The following DENND2B variants were observed in gnomAD, a reference collection of about 807,000 sequenced individuals.
DENND2B encodes DENN domain-containing protein 2B.
A neutral mutation model predicts 116.0 loss-of-function variants in DENND2B; 32 were observed. That is an observed-to-expected ratio of 0.28 (90% CI 0.21 to 0.37). The LOEUF (loss-of-function observed/expected upper bound fraction) is 0.37, where lower values mean the gene tolerates loss of function less well. Ranked by LOEUF, DENND2B falls within the 10% of genes least tolerant of loss-of-function variation. The pLI, the probability that DENND2B is intolerant of heterozygous loss-of-function variation, is 1.00. For missense variants in DENND2B, 1,276 were observed against 1,477.7 expected, an observed-to-expected ratio of 0.86 and a Z score of 2.24; for synonymous variants, 588 against 583.9, an observed-to-expected ratio of 1.01 and a Z score of -0.10.
chr11:8,847,170 G>A (rs557215398), intron 3 of DENND2B, among the ~76,000 whole-genome samples: 3 of 152,340 alleles, frequency 2.0e-5, no homozygotes, highest in Admixed American at 6.5e-5. Context: ...TAGCACCAAT[G>A]AGCCAGCTCT....
intron 1 of DENND2B, among the ~76,000 whole-genome samples, chr11:8,896,874 T>A (rs2134752247): frequency 6.6e-6 from 1 of 152,358 alleles, no homozygotes; most frequent in South Asian, 2.1e-4. Flanking sequence ...AAAATGAGTT[T>A]ATCAGGATAT....
intron 3 of DENND2B, among the ~76,000 whole-genome samples, chr11:8,855,042 G>A (rs941587232): frequency 9.4e-6 from 1 of 105,836 alleles, no homozygotes; most frequent in Non-Finnish European, 2.1e-5. Context: ...TACTCAAGAG[G>A]CTGAGGTGGA....
chr11:8,763,383 T>C (rs536904614), intron 1 of DENND2B, among the ~76,000 whole-genome samples: 1 of 152,246 alleles, frequency 6.6e-6, no homozygotes, highest in South Asian at 2.1e-4. Flanking sequence ...ATTCCTTTCT[T>C]AGTTTTATAC....
intron 1 of DENND2B, among the ~76,000 whole-genome samples, chr11:8,759,186 C>G (rs2054136094): frequency 6.6e-6 from 1 of 152,194 alleles, no homozygotes; most frequent in African/African-American, 2.4e-5. Context: ...TGCCCCACCT[C>G]TAAGAATGGA....
chr11:8,863,113 C>T (rs889043525), intron 2 of DENND2B, among the ~76,000 whole-genome samples: 1 of 151,594 alleles, frequency 6.6e-6, no homozygotes, highest in African/African-American at 2.4e-5. Context: ...CCTGGGAGTT[C>T]GAGACCTGTC....
At chr11:8,716,890 A>G (rs1031357286) in intron 5 of DENND2B, among the ~76,000 whole-genome samples, 1 of 152,122 alleles carries the variant, frequency 6.6e-6, no homozygotes, top group Non-Finnish European at 1.5e-5. Flanking sequence ...TGATCTGCCC[A>G]CCTTGGCCTC....
chr11:8,777,089 T>C (rs2057821291), intron 1 of DENND2B, among the ~76,000 whole-genome samples: 1 of 152,230 alleles, frequency 6.6e-6, no homozygotes, highest in African/African-American at 2.4e-5. Context: ...ATTATAAGAA[T>C]AGGTAACCCA....
chr11:8,713,558 T>C (rs1033158452), intron 8 of DENND2B, among the ~76,000 whole-genome samples: 1 of 152,140 alleles, frequency 6.6e-6, no homozygotes, highest in African/African-American at 2.4e-5. Flanking sequence ...TTTTGTATTA[T>C]TTTAGTAGAG....
intron 1 of DENND2B, among the ~76,000 whole-genome samples, chr11:8,751,059 T>G (rs1593148603): frequency 6.6e-6 from 1 of 152,168 alleles, no homozygotes; most frequent in East Asian, 1.9e-4. Context: ...CTAGCTAATC[T>G]GCTGGGGACT....
At chr11:8,766,512 C>A in intron 1 of DENND2B, 1 of 894,290 alleles carries the variant, frequency 1.1e-6, no homozygotes, top group Non-Finnish European at 1.5e-6. Context: ...GGGCAATGTC[C>A]ACAAGCCAAA....
chr11:8,893,154 C>T (rs1291691917), intron 1 of DENND2B, among the ~76,000 whole-genome samples: 4 of 152,106 alleles, frequency 2.6e-5, no homozygotes, highest in Non-Finnish European at 5.9e-5. Context: ...AACCACATGA[C>T]TATCTCAATA....
At chr11:8,748,092 C>A (rs2051620591) in intron 2 of DENND2B, among the ~76,000 whole-genome samples, 1 of 152,288 alleles carries the variant, frequency 6.6e-6, no homozygotes. Context: ...GGTTCCTCTG[C>A]CTTCATGTGG....
chr11:8,826,663 G>A (rs1381179341), intron 4 of DENND2B, among the ~76,000 whole-genome samples: 4 of 152,150 alleles, frequency 2.6e-5, no homozygotes, highest in Non-Finnish European at 5.9e-5. Context: ...CTAAATAAAC[G>A]TCAACATCCT....
At chr11:8,721,807 G>A (rs1592712806) in intron 4 of DENND2B, among the ~76,000 whole-genome samples, 1 of 152,248 alleles carries the variant, frequency 6.6e-6, no homozygotes, top group Non-Finnish European at 1.5e-5. Context: ...CAACCAGAGA[G>A]AGTGGAGGCT....
chr11:8,904,051 C>T, intron 1 of DENND2B, among the ~76,000 whole-genome samples: 1 of 152,008 alleles, frequency 6.6e-6, no homozygotes, highest in East Asian at 1.9e-4. Context: ...ACACACTCTT[C>T]CAAGAAATAG....
chr11:8,704,778 A>G (rs1464847021), intron 13 of DENND2B, among the ~76,000 whole-genome samples: 1 of 152,014 alleles, frequency 6.6e-6, no homozygotes, highest in African/African-American at 2.4e-5. Context: ...ACTCACTACA[A>G]TCTTCACCTC....
At chr11:8,797,951 C>G (rs923828194) in intron 1 of DENND2B, among the ~76,000 whole-genome samples, 1 of 152,192 alleles carries the variant, frequency 6.6e-6, no homozygotes, top group Non-Finnish European at 1.5e-5. Context: ...GACAGCTGTT[C>G]CCTTTTCCAG....
At chr11:8,795,414 G>A (rs183331154) in intron 1 of DENND2B, among the ~76,000 whole-genome samples, 1 of 152,240 alleles carries the variant, frequency 6.6e-6, no homozygotes, top group East Asian at 1.9e-4. Flanking sequence ...AACAGTAGCA[G>A]CATCACTTCC....
At chr11:8,763,688 A>C (rs2055087525) in intron 1 of DENND2B, among the ~76,000 whole-genome samples, 2 of 151,136 alleles carry the variant, frequency 1.3e-5, no homozygotes, top group South Asian at 4.2e-4. Flanking sequence ...AATCAATGCT[A>C]TTAGAAGTCA....
Sources: gnomAD v4.1 joint callset for allele counts (sites outside exome capture counted in the v4.1 genomes callset) on GRCh38, gnomAD v4.1.1 for gene constraint, MANE v1.5 for transcripts, NCBI Gene and HGNC (gene_info 2026-07-23, HGNC 2026-07-21) for gene names.